Variants in ULK2 observed in about 807,000 individuals in gnomAD.
ULK2 encodes the protein serine/threonine-protein kinase ULK2.
ULK2 carries 76 observed loss-of-function variants against 127.5 expected under a neutral mutation model. The observed-to-expected ratio is 0.60, with a 90% CI of 0.50 to 0.72. ULK2 has a LOEUF of 0.72. Among genes scored for constraint, ULK2 ranks in the 30% least tolerant of loss-of-function variants. The probability of loss-of-function intolerance (pLI) is 0.00; values close to 1 mark genes in which losing one functional copy is unlikely to be tolerated. For missense variants in ULK2, 1,144 were observed against 1,295.9 expected, an observed-to-expected ratio of 0.88 and a Z score of 1.80; for synonymous variants, 452 against 461.9, an observed-to-expected ratio of 0.98 and a Z score of 0.28.
chr17:19,789,927 A>T (rs1272890143), intron 20 of ULK2, among the ~76,000 whole-genome samples: 1 of 151,124 alleles, frequency 6.6e-6, no homozygotes. Flanking sequence ...AAAAAAAAAC[A>T]AAAACTAAGG....
Position 19,783,794 on chromosome 17 carries a change from G to C in ULK2, c.2363C>G (p.Pro788Arg). ...GSSPPGAEAAPSLRYVPYGAS... is the reference protein window; with the variant it reads ...GSSPPGAEAARSLRYVPYGAS... ...ACCGTAAGGCACGTATCTCAGGCTG[G>C]GAGCTGCCTCTGCTCCTGGAGGGGA... Residue 788 changes from proline (P) to arginine (R), a missense_variant, in exon 22 of 27, where the codon CCC becomes CGC. By Grantham distance (103) the Pro-to-Arg change is moderately radical. Around this residue, in one of 2 missense-constraint regions of ULK2, gnomAD observed 913 missense variants for 970.5 expected, o/e 0.94. Coordinates refer to ENST00000395544, the MANE Select transcript of ULK2 (RefSeq NM_014683.4). The C allele has an allele frequency of 6.2e-7, 1 of 1,604,698 alleles. No individual in the cohort carries two copies. The highest frequency in any genetic ancestry group is 8.5e-7 in the Non-Finnish European group (1 of 1,175,392).
chr17:19,820,462 C>G (rs185355927), intron 12 of ULK2, among the ~76,000 whole-genome samples: 1 of 152,302 alleles, frequency 6.6e-6, no homozygotes, highest in African/African-American at 2.4e-5. Context: ...CACCAATGCT[C>G]TCTGCATCCA....
In ULK2 at chr17:19,776,235, A is replaced by G; in HGVS notation, c.*114T>C. The G allele has an allele frequency of 1.2e-6, 1 of 838,682 alleles. No individual in the cohort carries two copies. The highest frequency in any genetic ancestry group is 3.2e-5 in the East Asian group (1 of 31,062). The allele number at this position is 838,682 out of a possible 1,614,324, so 52.0% of individuals were successfully genotyped here. Reference sequence around the variant, plus strand: ...TTCAAATCACTGCTTGTTCTTTGGTAGTCACCAGTTAAGAAGCTACAGTTT... The same window carrying G: ...TTCAAATCACTGCTTGTTCTTTGGTGGTCACCAGTTAAGAAGCTACAGTTT... On this transcript the variant is annotated 3_prime_UTR_variant, in exon 27 of 27. Coordinates refer to ENST00000395544, the MANE Select transcript of ULK2 (RefSeq NM_014683.4).
chr17:19,795,347 TAAAAAAAAAAAAA>T (rs755484577), intron 20 of ULK2, among the ~76,000 whole-genome samples: 1 of 82,756 alleles, frequency 1.2e-5, no homozygotes, highest in Non-Finnish European at 2.1e-5. Context: ...ACCCTACTGA[TAAAAAAAAAAAAA>T]AAAAAAAAAA....
chr17:19,771,264 G>A lies in ULK2; in HGVS notation c.*5085C>T, dbSNP rs1392222555. ...AGTTTGATTTTTCCATCTGTAAAAG[G>A]AGGCAAGTAAGGGTTGGTATGAGGA... is the stretch of plus-strand genomic sequence containing the variant. On this transcript the variant is annotated 3_prime_UTR_variant, in exon 27 of 27. Transcript: ENST00000395544. 1.3e-5 allele frequency: 2 copies of A among 152,186 alleles called. No individual in the cohort carries two copies. Among genetic ancestry groups the A allele is most frequent in the Non-Finnish European group, 2.9e-5 (2 of 68,036 alleles). 9.4% of individuals were successfully genotyped at this position (152,186 alleles called of 1,614,324 possible).
At chr17:19,849,658 G>A in intron 4 of ULK2, 84 bp downstream of exon 4, 14 of 971,210 alleles carry the variant, frequency 1.4e-5, no homozygotes, top group Non-Finnish European at 2.1e-5. Context: ...AAAAGGATTT[G>A]AAATATGCAG....
chr17:19,847,635 C>T (rs1460084477), intron 5 of ULK2, among the ~76,000 whole-genome samples: 1 of 152,140 alleles, frequency 6.6e-6, no homozygotes. Flanking sequence ...CTGCAACCTC[C>T]GCCTCCCGGG....
intron 9 of ULK2, among the ~76,000 whole-genome samples, chr17:19,840,840 G>C (rs559310416): frequency 6.6e-6 from 1 of 151,948 alleles, no homozygotes; most frequent in African/African-American, 2.4e-5. Context: ...AGTGAGCCGA[G>C]ATCATGCCAC....
Position 19,865,718 on chromosome 17 carries a change from C to T in ULK2, c.183+18G>A, listed in dbSNP as rs1466487596. The T allele has an allele frequency of 7.2e-7, 1 of 1,396,330 alleles. No homozygotes were observed. Among genetic ancestry groups the T allele is most frequent in the Non-Finnish European group, 9.9e-7 (1 of 1,007,410 alleles). 86.5% of individuals were successfully genotyped at this position (1,396,330 alleles called of 1,614,324 possible). Reference sequence around the variant, plus strand: ...AAGTTTTAACCTTATATGAATACTACTACATAAAGTAACATACCTTTAAGA... The same window carrying T: ...AAGTTTTAACCTTATATGAATACTATTACATAAAGTAACATACCTTTAAGA... On this transcript the variant is annotated intron_variant, in intron 2 of 26. Transcript: ENST00000395544.
chr17:19,839,075 A>T (rs2041671376), intron 9 of ULK2, among the ~76,000 whole-genome samples: 1 of 151,862 alleles, frequency 6.6e-6, no homozygotes, highest in African/African-American at 2.4e-5. Flanking sequence ...TGCCTTTGAG[A>T]AACAGCATCA....
At chr17:19,853,292 C>T (rs186595281) in intron 3 of ULK2, among the ~76,000 whole-genome samples, 1 of 151,718 alleles carries the variant, frequency 6.6e-6, no homozygotes, top group Non-Finnish European at 1.5e-5. Flanking sequence ...TGCACCACCA[C>T]GCCCAGCTAA....
Position 19,801,694 on chromosome 17 carries a change from G to A in ULK2, c.1441+83C>T, listed in dbSNP as rs754589143. The A allele has an allele frequency of 6.6e-5, 104 of 1,584,780 alleles. 1 individual carries two copies. The Admixed American group carries it at 1.2e-3, about 18-fold the overall frequency. On this transcript the variant is annotated intron_variant, in intron 16 of 26. Transcript: ENST00000395544. ...CTGAGAATCACTGCCATCATGAGCCGAAGTTCCTAAAGAAAATGTGTCATG... is the reference window on the plus strand; with the variant it reads ...CTGAGAATCACTGCCATCATGAGCCAAAGTTCCTAAAGAAAATGTGTCATG...
chr17:19,849,126 C>T (rs1294809906), intron 5 of ULK2, among the ~76,000 whole-genome samples: 2 of 152,124 alleles, frequency 1.3e-5, no homozygotes, highest in Non-Finnish European at 1.5e-5. Context: ...ATCTCTCAAA[C>T]ACTGTCAGAG....
chr17:19,838,638 T>A, intron 9 of ULK2, 55 bp from the exon 10 acceptor site: 1 of 1,488,606 alleles, frequency 6.7e-7, no homozygotes, highest in Non-Finnish European at 9.2e-7. Flanking sequence ...TACATAAACA[T>A]TAACTTTTGC....
At chr17:19,864,375 T>G (rs2042309489) in intron 3 of ULK2, among the ~76,000 whole-genome samples, 1 of 151,684 alleles carries the variant, frequency 6.6e-6, no homozygotes, top group East Asian at 1.9e-4. Context: ...CTCGGGAGGC[T>G]GAGGCAGGAG....
rs1246450229 is a variant in ULK2 at position 19,771,795 on chromosome 17, GT to G, written c.*4553del. On this transcript the variant is annotated 3_prime_UTR_variant, in exon 27 of 27. Coordinates refer to ENST00000395544, the MANE Select transcript of ULK2 (RefSeq NM_014683.4). Reference sequence around the variant, plus strand: ...ACCACTAAGCTACCTGCCAAATTGAGTTGCAGAAACCCCAAAGGAGGCATAG... The same window carrying G: ...ACCACTAAGCTACCTGCCAAATTGAGTGCAGAAACCCCAAAGGAGGCATAG... The G allele has an allele frequency of 1.3e-5, 2 of 152,242 alleles. No individual in the cohort carries two copies. The highest frequency in any genetic ancestry group is 3.8e-4 in the East Asian group (2 of 5,200). The allele number at this position is 152,242 out of a possible 1,614,324, so 9.4% of individuals were successfully genotyped here. A position where few individuals can be genotyped will look rare whatever the true frequency, so the allele number is the denominator to read the frequency against.
intron 13 of ULK2, chr17:19,816,547 G>T: frequency 2.6e-6 from 1 of 388,032 alleles, no homozygotes; most frequent in Non-Finnish European, 4.4e-6. Context: ...TGTACCTTCA[G>T]AATCCAAAAT....
intron 20 of ULK2, among the ~76,000 whole-genome samples, chr17:19,795,347 TAA>T (rs755484577): frequency 4.8e-5 from 4 of 82,766 alleles, no homozygotes; most frequent in African/African-American, 1.5e-4. Context: ...ACCCTACTGA[TAA>T]AAAAAAAAAA....
rs1189175278 is a variant in ULK2 at position 19,846,789 on chromosome 17, C to T, written c.417G>A (p.Leu139=). ...TTGATTTTCTGCGATTGGCATAGGA[C>T]AGCAAGATGTTCTGTGGTTTGAGAT... is the stretch of plus-strand genomic sequence containing the variant. ...HRDLKPQNIL[L]SYANRRKSSV... is the part of the protein sequence containing the mutation. Residue 139 remains leucine (L), a synonymous_variant, in exon 6 of 27, where the codon CTG becomes CTA. Transcript: ENST00000395544. 1.2e-6 allele frequency: 2 copies of T among 1,613,658 alleles called. No individual in the cohort carries two copies. Among genetic ancestry groups the T allele is most frequent in the Non-Finnish European group, 1.7e-6 (2 of 1,179,844 alleles).
Sources: gnomAD v4.1 joint callset for allele counts (sites outside exome capture counted in the v4.1 genomes callset) on GRCh38, gnomAD v4.1.1 for gene constraint, gnomAD v4.1.1 regional missense constraint, MANE v1.5 for transcripts, NCBI Gene and HGNC (gene_info 2026-07-23, HGNC 2026-07-21) for gene names.